The following CFAP299 variants were observed in gnomAD, a reference collection of about 807,000 sequenced individuals.
CFAP299 encodes the protein cilia- and flagella-associated protein 299.
In CFAP299, 21 loss-of-function variants were observed where a neutral mutation model predicts 27.0. The ratio of observed to expected loss-of-function variants is 0.78; its 90% CI spans 0.55 to 1.12. CFAP299 has a LOEUF of 1.12. Among genes scored for constraint, CFAP299 ranks in the 50% most tolerant of loss-of-function variants. The probability of loss-of-function intolerance (pLI) is 0.00; values close to 1 mark genes in which losing one functional copy is unlikely to be tolerated. For missense variants in CFAP299, 310 were observed against 276.6 expected (o/e 1.12, Z -0.86); for synonymous variants, 104 against 98.1 (o/e 1.06, Z -0.36).
At chr4:80,514,716 C>T (rs753519386) in intron 2 of CFAP299, among the ~76,000 whole-genome samples, 1 of 152,004 alleles carries the variant, frequency 6.6e-6, no homozygotes, top group Non-Finnish European at 1.5e-5. Flanking sequence ...GTTTTACCTG[C>T]TCTTTGAATA....
chr4:80,877,651 A>T (rs1356271354), intron 4 of CFAP299, among the ~76,000 whole-genome samples: 2 of 152,164 alleles, frequency 1.3e-5, no homozygotes, highest in Non-Finnish European at 2.9e-5. Flanking sequence ...GATTTTTTCC[A>T]ACTTTTTAAA....
intron 2 of CFAP299, among the ~76,000 whole-genome samples, chr4:80,500,523 C>T (rs968549718): frequency 2.0e-5 from 3 of 152,084 alleles, no homozygotes; most frequent in Non-Finnish European, 4.4e-5. Flanking sequence ...TTTTAAATTG[C>T]AATAATTCTA....
At chr4:80,901,998 G>A (rs1408725389) in intron 4 of CFAP299, among the ~76,000 whole-genome samples, 2 of 151,906 alleles carry the variant, frequency 1.3e-5, no homozygotes, top group Admixed American at 1.3e-4. Context: ...ATACTTTTGT[G>A]TGTATATATT....
intron 3 of CFAP299, among the ~76,000 whole-genome samples, chr4:80,742,403 A>C: frequency 6.6e-6 from 1 of 152,276 alleles, no homozygotes; most frequent in African/African-American, 2.4e-5. Context: ...ATAATTTTTT[A>C]GTTTCTAATA....
At position 80,447,494 on chromosome 4, in the gene CFAP299, G is replaced by A. The variant is rs531909463; in HGVS notation, c.242+84610G>A. Among the ~76,000 whole-genome samples the A allele has an allele frequency of 5.9e-5, 9 of 151,774 alleles. No homozygotes were observed. The East Asian group carries it at 1.4e-3, about 23-fold the overall frequency. On this transcript the variant is annotated intron_variant, in intron 2 of 5. Coordinates refer to ENST00000358105, the MANE Select transcript of CFAP299 (RefSeq NM_152770.3). ...GTCACCCAGGATGGAGTGCAGTGGC[G>A]TGATCTCAGCTCACTGCAACCTCCG...
At chr4:80,878,907 C>T (rs909401160) in intron 4 of CFAP299, among the ~76,000 whole-genome samples, 2 of 152,090 alleles carry the variant, frequency 1.3e-5, no homozygotes, top group African/African-American at 4.8e-5. Flanking sequence ...CAGGTCATGT[C>T]ACAAATTTTC....
intron 5 of CFAP299, among the ~76,000 whole-genome samples, chr4:80,948,933 T>A (rs1427602646): frequency 6.6e-6 from 1 of 152,152 alleles, no homozygotes; most frequent in East Asian, 1.9e-4. Flanking sequence ...GGTATAGTCA[T>A]TTTCCCTATA....
At chr4:80,944,515 C>G (rs920742418) in intron 4 of CFAP299, among the ~76,000 whole-genome samples, 9 of 152,162 alleles carry the variant, frequency 5.9e-5, no homozygotes, top group African/African-American at 2.2e-4. Context: ...CCTTAAATTG[C>G]ATCAATTTTC....
At chr4:80,861,322 C>T (rs1406318115) in intron 3 of CFAP299, among the ~76,000 whole-genome samples, 4 of 152,208 alleles carry the variant, frequency 2.6e-5, no homozygotes, top group African/African-American at 7.2e-5. Context: ...TCACCCCTTT[C>T]TTTGACTAGG....
intron 2 of CFAP299, among the ~76,000 whole-genome samples, chr4:80,466,681 A>G (rs973141293): frequency 8.6e-4 from 131 of 152,304 alleles, no homozygotes; most frequent in African/African-American, 3.1e-3. Context: ...CAGAGTCAGC[A>G]AAAGCAGTAT....
At chr4:80,865,174 C>A (rs997431435) in intron 3 of CFAP299, among the ~76,000 whole-genome samples, 1 of 152,094 alleles carries the variant, frequency 6.6e-6, no homozygotes, top group Non-Finnish European at 1.5e-5. Flanking sequence ...ATGTTTGAAA[C>A]AATTAAATGA....
At chr4:80,723,888 C>T (rs949742580) in intron 3 of CFAP299, among the ~76,000 whole-genome samples, 1 of 151,892 alleles carries the variant, frequency 6.6e-6, no homozygotes, top group Non-Finnish European at 1.5e-5. Context: ...AATTCAAAAT[C>T]ATTTTGTTAT....
chr4:80,372,810 A>C (rs756636904), intron 2 of CFAP299, among the ~76,000 whole-genome samples: 1 of 152,362 alleles, frequency 6.6e-6, no homozygotes, highest in Non-Finnish European at 1.5e-5. Context: ...GAGAATAAAC[A>C]TAACCCCGAG....
chr4:80,600,735 T>G (rs572622563), intron 3 of CFAP299, among the ~76,000 whole-genome samples: 38 of 152,254 alleles, frequency 2.5e-4, no homozygotes, highest in African/African-American at 9.1e-4. Context: ...TCCTGAGGAA[T>G]GGTTCTGTGT....
intron 2 of CFAP299, among the ~76,000 whole-genome samples, chr4:80,495,136 T>A (rs1315375671): frequency 6.6e-6 from 1 of 152,248 alleles, no homozygotes; most frequent in Non-Finnish European, 1.5e-5. Flanking sequence ...AGGCTAAATT[T>A]TGTGGATTTG....
In CFAP299 at chr4:80,396,963, T is replaced by A. The variant is rs554600049; in HGVS notation, c.242+34079T>A. ...TAGTTTCAGAAGGAATGATACCAGC[T>A]CCTCCTTGTACCTCTGGTAGAATTT... On this transcript the variant is annotated intron_variant, in intron 2 of 5. Transcript: ENST00000358105. 4.4e-3 allele frequency among the ~76,000 whole-genome samples: 675 copies of A among 152,310 alleles called. 7 individuals carry two copies. Among genetic ancestry groups the A allele is most frequent in the African/African-American group, 0.016 (653 of 41,566 alleles).
intron 3 of CFAP299, among the ~76,000 whole-genome samples, chr4:80,639,249 C>T (rs1470334924): frequency 6.6e-6 from 1 of 152,120 alleles, no homozygotes; most frequent in Non-Finnish European, 1.5e-5. Context: ...CAAAGAGTCA[C>T]AATGCAATGA....
chr4:80,645,017 T>C (rs1739928208), intron 3 of CFAP299, among the ~76,000 whole-genome samples: 1 of 152,066 alleles, frequency 6.6e-6, no homozygotes, highest in Non-Finnish European at 1.5e-5. Context: ...TCAGAAATCT[T>C]ACCCAACCCA....
At chr4:80,906,474 T>G (rs930234864) in intron 4 of CFAP299, among the ~76,000 whole-genome samples, 4 of 152,238 alleles carry the variant, frequency 2.6e-5, no homozygotes, top group African/African-American at 9.6e-5. Context: ...AGTGCCCTTA[T>G]GTGTGGGAAT....
Sources: gnomAD v4.1 joint callset for allele counts (sites outside exome capture counted in the v4.1 genomes callset) on GRCh38, gnomAD v4.1.1 for gene constraint, MANE v1.5 for transcripts, NCBI Gene and HGNC (gene_info 2026-07-23, HGNC 2026-07-21) for gene names.